Variants in CAMK4 observed in about 807,000 individuals in gnomAD.
The protein encoded by CAMK4 is calcium/calmodulin dependent protein kinase IV, also known as calcium/calmodulin-dependent protein kinase type IV.
A neutral mutation model predicts 44.9 loss-of-function variants in CAMK4; 22 were observed. That is an observed-to-expected ratio of 0.49 (90% CI 0.35 to 0.70). The LOEUF is 0.70. CAMK4 is among the 30% of genes least tolerant of loss of function. The pLI is 0.01. For missense variants in CAMK4, 498 were observed against 586.8 expected (o/e 0.85, Z 1.56); for synonymous variants, 218 against 215.4 (o/e 1.01, Z -0.11).
At chr5:111,382,843 TTGAGA>T (rs1170877110) in intron 4 of CAMK4, among the ~76,000 whole-genome samples, 1 of 152,184 alleles carries the variant, frequency 6.6e-6, no homozygotes, top group Non-Finnish European at 1.5e-5. Context: ...AAAATAAAAC[TTGAGA>T]TTAGTAATCT....
At chr5:111,387,000 G>C (rs146928467) in intron 4 of CAMK4, among the ~76,000 whole-genome samples, 243 of 152,338 alleles carry the variant, frequency 1.6e-3, no homozygotes, top group Non-Finnish European at 2.5e-3. Context: ...CTGGGAAACT[G>C]TGTGGCACAG....
chr5:111,443,265 TATATATATATATATACACACACACAC>T (rs1374012786), intron 5 of CAMK4, among the ~76,000 whole-genome samples: 9 of 49,054 alleles, frequency 1.8e-4, no homozygotes, highest in African/African-American at 5.6e-4. Context: ...TATATATATA[TATATATATATATATACACACACACAC>T]ACACACACAC....
At chr5:111,400,541 A>G (rs1410472149) in intron 5 of CAMK4, among the ~76,000 whole-genome samples, 1 of 152,148 alleles carries the variant, frequency 6.6e-6, no homozygotes, top group Non-Finnish European at 1.5e-5. Context: ...TACGTAACAT[A>G]TCTTGCAATC....
intron 1 of CAMK4, among the ~76,000 whole-genome samples, chr5:111,261,566 T>C (rs1418751180): frequency 1.3e-5 from 2 of 152,122 alleles, no homozygotes; most frequent in East Asian, 3.8e-4. Context: ...TAATAGTTTT[T>C]TTTTTTTTTT....
rs1319296134 is a variant in CAMK4 at position 111,427,863 on chromosome 5, T to C, written c.460-18823T>C. Among the ~76,000 whole-genome samples the C allele has an allele frequency of 3.3e-5, 5 of 152,212 alleles. No homozygotes were observed. In the East Asian group the frequency reaches 5.8e-4, roughly 18 times the overall value. ...CCTGGATGGCTTTGCCACATGCTGA[T>C]TGTAGAGCCCCAGGGCCTTGAGTGA... is the stretch of plus-strand genomic sequence containing the variant. On this transcript the variant is annotated intron_variant, in intron 5 of 10. Transcript: ENST00000282356.
intron 7 of CAMK4, among the ~76,000 whole-genome samples, chr5:111,455,790 T>C (rs1754393581): frequency 6.6e-6 from 1 of 152,228 alleles, no homozygotes; most frequent in African/African-American, 2.4e-5. Context: ...TTTCATGCTT[T>C]ACTAGGCTTG....
chr5:111,348,694 G>A (rs757863090), intron 2 of CAMK4, among the ~76,000 whole-genome samples: 6 of 151,864 alleles, frequency 4.0e-5, no homozygotes, highest in Non-Finnish European at 8.8e-5. Context: ...AATCAAATAT[G>A]GCAAAACTAA....
intron 7 of CAMK4, among the ~76,000 whole-genome samples, chr5:111,461,256 G>T (rs1008984070): frequency 2.6e-5 from 4 of 152,134 alleles, no homozygotes; most frequent in African/African-American, 7.2e-5. Flanking sequence ...AGCATGGCAC[G>T]CATAGAATTG....
chr5:111,361,549 G>T (rs1750591664), intron 2 of CAMK4, among the ~76,000 whole-genome samples: 1 of 151,852 alleles, frequency 6.6e-6, no homozygotes, highest in Non-Finnish European at 1.5e-5. Flanking sequence ...ATTACTAAAA[G>T]GCACTAAGAA....
At chr5:111,347,589 T>A (rs1464987963) in intron 2 of CAMK4, among the ~76,000 whole-genome samples, 2 of 151,756 alleles carry the variant, frequency 1.3e-5, no homozygotes, top group Non-Finnish European at 2.9e-5. Flanking sequence ...CTAAGTGGGG[T>A]CTCTGCTCCC....
chr5:111,384,857 A>G (rs1347668166), intron 4 of CAMK4, among the ~76,000 whole-genome samples: 4 of 152,054 alleles, frequency 2.6e-5, no homozygotes, highest in Admixed American at 2.6e-4. Flanking sequence ...GCTACTCACT[A>G]CTTTCACTTA....
intron 2 of CAMK4, among the ~76,000 whole-genome samples, chr5:111,372,145 A>T (rs1036917608): frequency 1.3e-5 from 2 of 152,180 alleles, no homozygotes; most frequent in African/African-American, 4.8e-5. Flanking sequence ...TTAGTTACTG[A>T]TCGATTAGTC....
Position 111,234,639 on chromosome 5 carries a change from G to A in CAMK4, c.161+9995G>A, listed in dbSNP as rs145939997. ...TACTTGAAGAGTTGTGGGCATTAGT[G>A]CCAGGATGCTGAGCTTAACCCTGTT... is the stretch of plus-strand genomic sequence containing the variant. On this transcript the variant is annotated intron_variant, in intron 1 of 10. Transcript: ENST00000282356. Among the ~76,000 whole-genome samples the A allele has an allele frequency of 3.5e-3, 538 of 152,320 alleles. 4 individuals carry two copies. Among genetic ancestry groups the A allele is most frequent in the African/African-American group, 0.012 (500 of 41,560 alleles).
chr5:111,449,200 T>G lies in CAMK4; in HGVS notation c.622T>G (p.Cys208Gly). ...GACAGTATGTGGAACCCCAGGGTAC[T>G]GCGGTATGCTCTTTAATAATTATAT... ...MKTVCGTPGY[C>G]APEILRGCAY... is the part of the protein sequence containing the mutation. Residue 208 changes from cysteine to glycine, a missense_variant, in exon 7 of 11, where the codon TGC becomes GGC. Around this residue, in one of 3 missense-constraint regions of CAMK4, gnomAD observed 203 missense variants for 298.2 expected, o/e 0.68. Transcript: ENST00000282356. 1 of 1,433,158 alleles carries G rather than the reference T, an allele frequency of 7.0e-7. No homozygotes were observed. The highest frequency in any genetic ancestry group is 1.3e-5 in the South Asian group (1 of 79,312). The allele number at this position is 1,433,158 out of a possible 1,614,324, so 88.8% of individuals were successfully genotyped here.
intron 7 of CAMK4, among the ~76,000 whole-genome samples, chr5:111,460,587 C>T (rs1754610525): frequency 6.6e-6 from 1 of 152,162 alleles, no homozygotes. Flanking sequence ...TATCTTTGCA[C>T]CTCCATCTAC....
intron 4 of CAMK4, among the ~76,000 whole-genome samples, chr5:111,384,831 C>G (rs1181362058): frequency 6.6e-6 from 1 of 152,092 alleles, no homozygotes; most frequent in African/African-American, 2.4e-5. Context: ...TAGATTTGAT[C>G]AGGTCAGCCC....
intron 1 of CAMK4, among the ~76,000 whole-genome samples, chr5:111,235,660 T>A (rs764903838): frequency 5.3e-5 from 8 of 152,192 alleles, no homozygotes; most frequent in African/African-American, 1.9e-4. Flanking sequence ...TTCAGGATGA[T>A]CTCCAGAAAA....
Position 111,315,820 on chromosome 5 carries a change from C to T in CAMK4, c.162-28204C>T, listed in dbSNP as rs74925196. Among the ~76,000 whole-genome samples the T allele has an allele frequency of 2.7e-3, 416 of 152,210 alleles. 1 individual carries two copies. Among genetic ancestry groups the T allele is most frequent in the Middle Eastern group, 0.02 (6 of 294 alleles). On this transcript the variant is annotated intron_variant, in intron 1 of 10. Transcript: ENST00000282356. ...TAAAGTCTGCAGCCAGTGACAGCTT[C>T]TTCTGCTAGATAACTGTCACCTGAG...
At chr5:111,371,587 A>G (rs953556222) in intron 2 of CAMK4, among the ~76,000 whole-genome samples, 1 of 152,178 alleles carries the variant, frequency 6.6e-6, no homozygotes. Flanking sequence ...TTTTAGACCC[A>G]TCCTTACTGT....
Sources: gnomAD v4.1 joint callset for allele counts (sites outside exome capture counted in the v4.1 genomes callset) on GRCh38, gnomAD v4.1.1 for gene constraint, gnomAD v4.1.1 regional missense constraint, MANE v1.5 for transcripts, NCBI Gene and HGNC (gene_info 2026-07-23, HGNC 2026-07-21) for gene names.